Variants in CAPRIN2 observed in about 807,000 individuals in gnomAD.
CAPRIN2 encodes the protein caprin-2.
In CAPRIN2, 66 loss-of-function variants were observed where a neutral mutation model predicts 130.4. The ratio of observed to expected loss-of-function variants is 0.51; its 90% confidence interval spans 0.42 to 0.62. The LOEUF (loss-of-function observed/expected upper bound fraction) is 0.62. Ranked by LOEUF, CAPRIN2 falls within the 20% of genes least tolerant of loss-of-function variation. CAPRIN2 has a pLI of 0.00. For synonymous variants in CAPRIN2, 471 were observed against 444.1 expected (o/e 1.06, Z -0.76); for missense variants, 1,185 against 1,246.6 (o/e 0.95, Z 0.74).
rs1266097235 is a variant in CAPRIN2, at chr12:30,710,431, C to T, written c.2705G>A (p.Arg902Lys). Reference sequence around the variant, plus strand: ...ACCACTGTTAAAGGTTTCGTTGTCTCTTTCTGGGCTGCTCACCTGAGAAGA... The same window carrying T: ...ACCACTGTTAAAGGTTTCGTTGTCTTTTTCTGGGCTGCTCACCTGAGAAGA... Residue 902 changes from arginine (R) to lysine (K), a missense_variant, in exon 17 of 17, where the codon AGA becomes AAA. By Grantham distance (26) the Arg-to-Lys change is conservative (BLOSUM62 2). This residue lies in a region of CAPRIN2 where 1,104 missense variants were observed against 1,104.3 expected (regional missense o/e 1.00). Transcript: ENST00000298892. The surrounding 1 kb of genome is among the most constrained non-coding windows in gnomAD (Gnocchi z 4.8). 1 of 1,614,172 alleles carries T rather than the reference C, an allele frequency of 6.2e-7. No homozygotes were observed. The highest frequency in any genetic ancestry group is 2.2e-5 in the East Asian group (1 of 44,878).
At position 30,730,256 on chromosome 12, in the gene CAPRIN2, CT is replaced by C; in HGVS notation, c.1086del (p.Glu363ArgfsTer13). On this transcript the variant is annotated frameshift_variant, in exon 7 of 17. Coordinates refer to ENST00000298892, the Ensembl canonical transcript of CAPRIN2. LOFTEE classifies it high-confidence loss of function. ...TATCTTACCTCTTGTGGTTGTATCTCTGGCTGGGCAAATTCCATTAGAGACT... is the reference window on the plus strand; with the variant it reads ...TATCTTACCTCTTGTGGTTGTATCTCGGCTGGGCAAATTCCATTAGAGACT... The C allele has an allele frequency of 6.2e-7, 1 of 1,611,728 alleles. No individual in the cohort carries two copies. The highest frequency in any genetic ancestry group is 8.5e-7 in the Non-Finnish European group (1 of 1,177,974).
chr12:30,715,717 C>A, intron 13 of CAPRIN2: 1 of 205,020 alleles, frequency 4.9e-6, no homozygotes, highest in Non-Finnish European at 1.0e-5. Context: ...GCTAAATACT[C>A]CAGATGAGGG....
intron 2 of CAPRIN2, among the ~76,000 whole-genome samples, chr12:30,745,120 T>C (rs2069384638): frequency 6.6e-6 from 1 of 152,238 alleles, no homozygotes; most frequent in South Asian, 2.1e-4. Flanking sequence ...TTGAGTTTAC[T>C]ACAGATGTAT....
chr12:30,727,942 T>C (rs567636710), intron 8 of CAPRIN2, among the ~76,000 whole-genome samples: 11 of 152,292 alleles, frequency 7.2e-5, no homozygotes, highest in African/African-American at 2.4e-4. Flanking sequence ...TAGAAAAATA[T>C]AACTTGTCAG....
intron 4 of CAPRIN2, 117 bp downstream of exon 5, chr12:30,734,849 AAC>A (rs10557103): frequency 0.13 from 75,581 of 587,444 alleles, 86 homozygotes; most frequent in South Asian, 0.17. Context: ...CCCCCTCTCT[AAC>A]ACACACACAC....
At chr12:30,753,883 A>C in exon 1 of CAPRIN2, 2 of 943,484 alleles carry the variant, frequency 2.1e-6, no homozygotes, top group Middle Eastern at 2.2e-4. Flanking sequence ...GAAGAACTGC[A>C]ACGGCTTCAG....
At chr12:30,751,619 T>C (rs868020005) in intron 1 of CAPRIN2, 32 of 168,314 alleles carry the variant, frequency 1.9e-4, no homozygotes, top group Middle Eastern at 3.1e-3. Flanking sequence ...AGGACAGCCC[T>C]TTACAACGAA....
At chr12:30,754,287 T>C (rs2075291282) in exon 1 of CAPRIN2, 1 of 153,468 alleles carries the variant, frequency 6.5e-6, no homozygotes, top group African/African-American at 2.4e-5. Context: ...AAGAGCTCAT[T>C]CTAGCGAGCC....
At chr12:30,733,733 A>G (rs752814331) in intron 4 of CAPRIN2, 22 bp from the exon 6 acceptor site, 11 of 1,574,770 alleles carry the variant, frequency 7.0e-6, no homozygotes, top group Non-Finnish European at 8.7e-7. Context: ...AAGCAGCAGC[A>G]GAACAAAGTG....
At chr12:30,742,359 G>A (rs1362918815) in intron 2 of CAPRIN2, among the ~76,000 whole-genome samples, 1 of 151,936 alleles carries the variant, frequency 6.6e-6, no homozygotes, top group Admixed American at 6.6e-5. Flanking sequence ...TTGGAAAACA[G>A]TTCAGAATTT....
chr12:30,731,611 T>G lies in CAPRIN2; in HGVS notation c.893-101A>C. 3 of 919,156 alleles carry G rather than the reference T, an allele frequency of 3.3e-6. No individual in the cohort carries two copies. In the South Asian group the frequency reaches 4.9e-5, roughly 15 times the overall value. The allele number at this position is 919,156 out of a possible 1,614,324, so 56.9% of individuals were successfully genotyped here. On this transcript the variant is annotated intron_variant, in intron 5 of 16. Transcript: ENST00000298892. ...TCCTAGTTGTAGTACATTGTTACAA[T>G]AGTTTACATTGATGTACATAGTACA...
chr12:30,714,248 C>T (rs2056591324), intron 14 of CAPRIN2, among the ~76,000 whole-genome samples: 2 of 152,184 alleles, frequency 1.3e-5, no homozygotes, highest in Admixed American at 1.3e-4. Context: ...GTAGTGAGAT[C>T]ACAGCTCACT....
chr12:30,739,629 C>A (rs1468302915), intron 3 of CAPRIN2, among the ~76,000 whole-genome samples: 1 of 151,666 alleles, frequency 6.6e-6, no homozygotes, highest in Non-Finnish European at 1.5e-5. Flanking sequence ...GCAGAAGAAT[C>A]GCGTGAACCC....
exon 8 of CAPRIN2, chr12:30,728,915 T>C (rs746526518): frequency 1.9e-6 from 3 of 1,614,094 alleles, no homozygotes; most frequent in East Asian, 4.5e-5. Flanking sequence ...TCTTTGGATC[T>C]TGTTCTTTCT....
intron 2 of CAPRIN2, 134 bp downstream of exon 3, chr12:30,750,937 T>C: frequency 1.4e-6 from 1 of 695,448 alleles, no homozygotes; most frequent in South Asian, 1.7e-5. Flanking sequence ...CAAAGTCTTC[T>C]GAAACAGTTT....
intron 3 of CAPRIN2, among the ~76,000 whole-genome samples, chr12:30,739,900 A>AT (rs749311204): frequency 1.3e-5 from 2 of 152,332 alleles, no homozygotes; most frequent in South Asian, 4.1e-4. Context: ...AATACCATAT[A>AT]TTAGAAAAAT....
chr12:30,745,752 A>G (rs963235232), intron 2 of CAPRIN2, among the ~76,000 whole-genome samples: 27 of 152,310 alleles, frequency 1.8e-4, no homozygotes, highest in African/African-American at 6.3e-4. Flanking sequence ...AGTGGAATAA[A>G]GTAAGTCTAA....
chr12:30,732,299 TTC>T (rs2062988799), intron 5 of CAPRIN2, among the ~76,000 whole-genome samples: 2 of 152,066 alleles, frequency 1.3e-5, no homozygotes, highest in Non-Finnish European at 2.9e-5. Context: ...GTTTCCGTAC[TTC>T]ATTTTAGTCT....
chr12:30,712,765 G>C (rs548796189), intron 15 of CAPRIN2, among the ~76,000 whole-genome samples: 59 of 111,098 alleles, frequency 5.3e-4, no homozygotes, highest in Non-Finnish European at 2.9e-4. Context: ...TTTTGAGACA[G>C]AGTCTCGCTC....
Sources: gnomAD v4.1 joint callset for allele counts (sites outside exome capture counted in the v4.1 genomes callset) on GRCh38, gnomAD v4.1.1 for gene constraint, gnomAD v4.1.1 regional missense constraint, Gnocchi (gnomAD v3.1) non-coding constraint, MANE v1.5 for transcripts, NCBI Gene and HGNC (gene_info 2026-07-23, HGNC 2026-07-21) for gene names.